The following KCNQ1OT1 variants were observed in gnomAD, a reference collection of about 807,000 sequenced individuals.
KCNQ1OT1 encodes the protein KCNQ1 antisense RNA 2 (non-protein coding).
chr11:2,613,337 G>A lies in KCNQ1OT1; in HGVS notation n.86658C>T, dbSNP rs929551416. 13 of 398,294 alleles carry A rather than the reference G, an allele frequency of 3.3e-5. No homozygotes were observed. Among genetic ancestry groups the A allele is most frequent in the East Asian group, 2.1e-4 (6 of 28,084 alleles). The allele number at this position is 398,294 out of a possible 1,614,324, so 24.7% of individuals were successfully genotyped here. On this transcript the variant is annotated non_coding_transcript_exon_variant, in exon 1 of 1. Transcript: ENST00000597346. This position sits in a 1 kb window ranked among gnomAD's most constrained non-coding sequence, Gnocchi z 4.8. ...CTTTTAAAATTTTTCTTAATCTGTC[G>A]CTTGCCCAACCAGTATTGAAACATT...
chr11:2,608,409 C>G lies in KCNQ1OT1; in HGVS notation n.91586G>C. The G allele has an allele frequency of 2.5e-6, 1 of 398,522 alleles. No individual in the cohort carries two copies. The highest frequency in any genetic ancestry group is 2.1e-5 in the African/African-American group (1 of 48,722). 24.7% of individuals were successfully genotyped at this position (398,522 alleles called of 1,614,324 possible). ...TATAATTTATTGGCACAAAATTGTT[C>G]ATAGTGTTCCTTCATAATCCTTTTT... On this transcript the variant is annotated non_coding_transcript_exon_variant, in exon 1 of 1. Coordinates refer to ENST00000597346, the Ensembl canonical transcript of KCNQ1OT1. The surrounding 1 kb of genome is among the most constrained non-coding windows in gnomAD (Gnocchi z 4.6).
exon 1 of KCNQ1OT1, chr11:2,619,109 T>C (rs536877698): frequency 2.5e-6 from 1 of 398,540 alleles, no homozygotes; most frequent in East Asian, 3.6e-5. Context: ...TGTAGGATCA[T>C]GTCATCTTCA....
At chr11:2,625,405 C>T (rs1849246371) in exon 1 of KCNQ1OT1, 1 of 398,468 alleles carries the variant, frequency 2.5e-6, no homozygotes, top group South Asian at 1.3e-4. Flanking sequence ...AGAGATGGGT[C>T]TCACTATGTT....
In KCNQ1OT1 at chr11:2,687,466, G is replaced by A. The variant is rs1850509981; in HGVS notation, n.12529C>T. 1 of 398,694 alleles carries A rather than the reference G, an allele frequency of 2.5e-6. No homozygotes were observed. Among genetic ancestry groups the A allele is most frequent in the African/African-American group, 2.1e-5 (1 of 48,612 alleles). The allele number at this position is 398,694 out of a possible 1,614,324, so 24.7% of individuals were successfully genotyped here. On this transcript the variant is annotated non_coding_transcript_exon_variant, in exon 1 of 1. Coordinates refer to ENST00000597346, the Ensembl canonical transcript of KCNQ1OT1. This position sits in a 1 kb window ranked among gnomAD's most constrained non-coding sequence, Gnocchi z 5.0. ...GATCCCTGCCTGCACAAGAGCTGCT[G>A]CAGCATTTCAATAGGGCCATCCCAG... is the stretch of plus-strand genomic sequence containing the variant.
At chr11:2,609,932 A>G (rs1848951081) in exon 1 of KCNQ1OT1, 1 of 397,924 alleles carries the variant, frequency 2.5e-6, no homozygotes, top group African/African-American at 2.1e-5. Context: ...TATAGATGGA[A>G]TACAGATGGA....
chr11:2,656,415 C>G (rs41517049), exon 1 of KCNQ1OT1: 5,124 of 398,664 alleles, frequency 0.013, 159 homozygotes, highest in East Asian at 0.079. Flanking sequence ...CCCTTTCACT[C>G]TGAGCCCTTC....
exon 1 of KCNQ1OT1, chr11:2,633,564 A>G (rs1849399488): frequency 2.5e-6 from 1 of 398,424 alleles, no homozygotes. Flanking sequence ...GAGATAGTAT[A>G]GTTTCATTCT....
In KCNQ1OT1 at chr11:2,678,393, A is replaced by G; in HGVS notation, n.21602T>C. The G allele has an allele frequency of 2.5e-6, 1 of 398,588 alleles. No individual in the cohort carries two copies. Among genetic ancestry groups the G allele is most frequent in the Non-Finnish European group, 4.4e-6 (1 of 226,054 alleles). 24.7% of individuals were successfully genotyped at this position (398,588 alleles called of 1,614,324 possible). A position where few individuals can be genotyped will look rare whatever the true frequency, so the allele number is the denominator to read the frequency against. On this transcript the variant is annotated non_coding_transcript_exon_variant, in exon 1 of 1. Transcript: ENST00000597346. The surrounding 1 kb of genome is among the most constrained non-coding windows in gnomAD (Gnocchi z 4.9). ...TTAAATCCAATTTGGTTTCCCATAT[A>G]TTTGTCCAGTTGTCCAACACTATTT... is the stretch of plus-strand genomic sequence containing the variant.
chr11:2,614,357 AT>A (rs1406227239), exon 1 of KCNQ1OT1: 3 of 398,422 alleles, frequency 7.5e-6, no homozygotes, highest in Non-Finnish European at 1.3e-5. Flanking sequence ...CACCCTTTAA[AT>A]TTTTTAAGTA....
exon 1 of KCNQ1OT1, chr11:2,614,934 G>A (rs1849037078): frequency 2.5e-6 from 1 of 398,310 alleles, no homozygotes; most frequent in Non-Finnish European, 4.4e-6. Context: ...AAATAAAAAG[G>A]CCCTTGGGAT....
At chr11:2,634,985 G>A (rs1849434269) in exon 1 of KCNQ1OT1, 1 of 152,170 alleles carries the variant, frequency 6.6e-6, no homozygotes, top group Non-Finnish European at 1.5e-5. Flanking sequence ...GTCTTCTTTT[G>A]AGAAGTGTCT....
rs1444843042 is a variant in KCNQ1OT1 at position 2,613,996 on chromosome 11, C to T, written n.85999G>A. On this transcript the variant is annotated non_coding_transcript_exon_variant, in exon 1 of 1. Transcript: ENST00000597346. This position sits in a 1 kb window ranked among gnomAD's most constrained non-coding sequence, Gnocchi z 4.8. Reference sequence around the variant, plus strand: ...TCAACATCCATTCACAGAGATCTTTCTCATTGCATTGCTAAAGTTGCATAG... The same window carrying T: ...TCAACATCCATTCACAGAGATCTTTTTCATTGCATTGCTAAAGTTGCATAG... 2 of 398,490 alleles carry T rather than the reference C, an allele frequency of 5.0e-6. No individual in the cohort carries two copies. The highest frequency in any genetic ancestry group is 8.8e-6 in the Non-Finnish European group (2 of 226,072). 24.7% of individuals were successfully genotyped at this position (398,490 alleles called of 1,614,324 possible). A position where few individuals can be genotyped will look rare whatever the true frequency, so the allele number is the denominator to read the frequency against.
chr11:2,673,593 A>G lies in KCNQ1OT1; in HGVS notation n.26402T>C. The G allele has an allele frequency of 2.5e-6, 1 of 398,738 alleles. No homozygotes were observed. Among genetic ancestry groups the G allele is most frequent in the Non-Finnish European group, 4.4e-6 (1 of 226,150 alleles). 24.7% of individuals were successfully genotyped at this position (398,738 alleles called of 1,614,324 possible). A position where few individuals can be genotyped will look rare whatever the true frequency, so the allele number is the denominator to read the frequency against. On this transcript the variant is annotated non_coding_transcript_exon_variant, in exon 1 of 1. Coordinates refer to ENST00000597346, the Ensembl canonical transcript of KCNQ1OT1. The surrounding 1 kb of genome is among the most constrained non-coding windows in gnomAD (Gnocchi z 4.5). ...GAAGACCCTATTACTTGGGCTAAAG[A>G]GAAGCTAAACGTGACCAGCCTACCC... is the stretch of plus-strand genomic sequence containing the variant.
Position 2,683,552 on chromosome 11 carries a change from C to A in KCNQ1OT1, n.16443G>T, listed in dbSNP as rs974455760. The A allele has an allele frequency of 2.5e-6, 1 of 398,486 alleles. No individual in the cohort carries two copies. Among genetic ancestry groups the A allele is most frequent in the East Asian group, 3.6e-5 (1 of 28,094 alleles). The allele number at this position is 398,486 out of a possible 1,614,324, so 24.7% of individuals were successfully genotyped here. A position where few individuals can be genotyped will look rare whatever the true frequency, so the allele number is the denominator to read the frequency against. On this transcript the variant is annotated non_coding_transcript_exon_variant, in exon 1 of 1. Transcript: ENST00000597346. This position sits in a 1 kb window ranked among gnomAD's most constrained non-coding sequence, Gnocchi z 4.7. ...CATTTCTAAAAAAGAGGTAGAAGCCCCTACCTACTGACTGGCATCACAAAC... is the reference window on the plus strand; with the variant it reads ...CATTTCTAAAAAAGAGGTAGAAGCCACTACCTACTGACTGGCATCACAAAC...
Position 2,699,840 on chromosome 11 carries a change from G to A in KCNQ1OT1, n.155C>T, listed in dbSNP as rs1048327799. 12 of 396,394 alleles carry A rather than the reference G, an allele frequency of 3.0e-5. No individual in the cohort carries two copies. In the South Asian group the frequency reaches 5.1e-4, roughly 17 times the overall value. 24.6% of individuals were successfully genotyped at this position (396,394 alleles called of 1,614,324 possible). A position where few individuals can be genotyped will look rare whatever the true frequency, so the allele number is the denominator to read the frequency against. Reference sequence around the variant, plus strand: ...GATGACTGACGCACCGAGGAGGACCGCGCTGAGGGGCGCACCGGGAGAATC... The same window carrying A: ...GATGACTGACGCACCGAGGAGGACCACGCTGAGGGGCGCACCGGGAGAATC... On this transcript the variant is annotated non_coding_transcript_exon_variant, in exon 1 of 1. Transcript: ENST00000597346.
rs1723973079 is a variant in KCNQ1OT1, at chr11:2,653,293, C to T, written n.46702G>A. Reference sequence around the variant, plus strand: ...TGAAAACTAGTGGGGGCAGTGCAGACCAGTTTAGCTATTTTGTAACCTTGA... The same window carrying T: ...TGAAAACTAGTGGGGGCAGTGCAGATCAGTTTAGCTATTTTGTAACCTTGA... On this transcript the variant is annotated non_coding_transcript_exon_variant, in exon 1 of 1. Transcript: ENST00000597346. The surrounding 1 kb of genome is among the most constrained non-coding windows in gnomAD (Gnocchi z 5.3). 2.5e-6 allele frequency: 1 copy of T among 398,746 alleles called. No individual in the cohort carries two copies. Among genetic ancestry groups the T allele is most frequent in the East Asian group, 3.6e-5 (1 of 28,082 alleles). The allele number at this position is 398,746 out of a possible 1,614,324, so 24.7% of individuals were successfully genotyped here. A position where few individuals can be genotyped will look rare whatever the true frequency, so the allele number is the denominator to read the frequency against.
At position 2,624,743 on chromosome 11, in the gene KCNQ1OT1, C is replaced by A. The variant is rs911125753; in HGVS notation, n.75252G>T. 2 of 398,418 alleles carry A rather than the reference C, an allele frequency of 5.0e-6. No individual in the cohort carries two copies. Among genetic ancestry groups the A allele is most frequent in the Admixed American group, 4.4e-5 (1 of 22,708 alleles). 24.7% of individuals were successfully genotyped at this position (398,418 alleles called of 1,614,324 possible). On this transcript the variant is annotated non_coding_transcript_exon_variant, in exon 1 of 1. Coordinates refer to ENST00000597346, the Ensembl canonical transcript of KCNQ1OT1. This position sits in a 1 kb window ranked among gnomAD's most constrained non-coding sequence, Gnocchi z 4.9. ...ATCCATTAAACAATAATTCCCCAAC[C>A]CCCCCACCACCGCCATCTCTTGGAA...
exon 1 of KCNQ1OT1, chr11:2,641,165 T>C (rs1179574462): frequency 2.5e-6 from 1 of 398,420 alleles, no homozygotes; most frequent in African/African-American, 2.1e-5. Flanking sequence ...CTGATATCTT[T>C]TCCTTTAGAT....
At position 2,652,013 on chromosome 11, in the gene KCNQ1OT1, G is replaced by A. The variant is rs1322263466; in HGVS notation, n.47982C>T. On this transcript the variant is annotated non_coding_transcript_exon_variant, in exon 1 of 1. Coordinates refer to ENST00000597346, the Ensembl canonical transcript of KCNQ1OT1. This position sits in a 1 kb window ranked among gnomAD's most constrained non-coding sequence, Gnocchi z 5.9. ...CATCAGTTGTTAACATAATTTTGATGTTGAGCCTCCCCCCAGTTCTGGGGT... is the reference window on the plus strand; with the variant it reads ...CATCAGTTGTTAACATAATTTTGATATTGAGCCTCCCCCCAGTTCTGGGGT... 1 of 398,656 alleles carries A rather than the reference G, an allele frequency of 2.5e-6. No individual in the cohort carries two copies. The highest frequency in any genetic ancestry group is 4.4e-6 in the Non-Finnish European group (1 of 226,082). The allele number at this position is 398,656 out of a possible 1,614,324, so 24.7% of individuals were successfully genotyped here.
Sources: allele counts gnomAD v4.1 joint callset, GRCh38; gene constraint gnomAD v4.1.1; non-coding constraint Gnocchi (gnomAD v3.1); transcripts MANE v1.5; gene names NCBI Gene and HGNC (gene_info 2026-07-23, HGNC 2026-07-21).